Variants in ZDHHC15 observed in about 807,000 individuals in gnomAD.
ZDHHC15 encodes the protein zDHHC palmitoyltransferase 15.
In ZDHHC15, 19 loss-of-function variants were observed where a neutral mutation model predicts 31.7. The observed-to-expected ratio is 0.60, with a 90% confidence interval of 0.42 to 0.88. ZDHHC15 has a LOEUF of 0.88. Among genes scored for constraint, ZDHHC15 ranks in the 40% least tolerant of loss-of-function variants. The pLI is 0.00. For synonymous variants in ZDHHC15, 103 were observed against 90.0 expected (o/e 1.14, Z -0.82); for missense variants, 209 against 251.2 (o/e 0.83, Z 1.14).
At chrX:75,502,568 A>C (rs1224695998) in intron 2 of ZDHHC15, among the ~76,000 whole-genome samples, 8 of 112,045 alleles carry the variant, frequency 7.1e-5, no homozygotes, top group Non-Finnish European at 1.5e-4. Flanking sequence ...GTTTAAAATG[A>C]TTAATGGACC....
intron 2 of ZDHHC15, among the ~76,000 whole-genome samples, chrX:75,489,647 A>G (rs2084841373): frequency 8.9e-6 from 1 of 112,138 alleles, no homozygotes; most frequent in Non-Finnish European, 1.9e-5. Flanking sequence ...GGGAAAAAAC[A>G]GAGCAGAAAA....
chrX:75,500,342 T>C (rs1164838778), intron 2 of ZDHHC15, among the ~76,000 whole-genome samples: 19 of 110,352 alleles, frequency 1.7e-4, no homozygotes, highest in African/African-American at 6.2e-4. Context: ...GGAGATCATT[T>C]TAAAATGAAA....
At chrX:75,477,335 T>C (rs1175284481) in intron 3 of ZDHHC15, among the ~76,000 whole-genome samples, 1 of 111,563 alleles carries the variant, frequency 9.0e-6, no homozygotes, top group Admixed American at 9.6e-5. Context: ...CATTTTACTC[T>C]TTTTGGGTGA....
chrX:75,445,556 A>G (rs747850581), intron 4 of ZDHHC15, among the ~76,000 whole-genome samples: 1 of 112,362 alleles, frequency 8.9e-6, no homozygotes, highest in East Asian at 2.8e-4. Context: ...AGTGGTAGAT[A>G]AATGACCTGA....
chrX:75,458,630 G>A lies in ZDHHC15; in HGVS notation c.259-7708C>T, dbSNP rs989578673. Among the ~76,000 whole-genome samples the A allele has an allele frequency of 9.0e-5, 10 of 111,122 alleles. No homozygotes were observed. The Admixed American group carries it at 9.6e-4, about 11-fold the overall frequency. On this transcript the variant is annotated intron_variant, in intron 3 of 11. Transcript: ENST00000373367. ...CATTCTCAGGTAGAGTGAGAATTAA[G>A]TACCCTGCTTGGGGTATGTGGAACT... is the stretch of plus-strand genomic sequence containing the variant.
At position 75,372,887 on chromosome X, in the gene ZDHHC15, T is replaced by C. The variant is rs2083016947; in HGVS notation, c.*91A>G. ...CCAACACGGTGACTTATTTTGAAGA[T>C]TACAATGATTTCCAACATTGAACTC... On this transcript the variant is annotated 3_prime_UTR_variant, in exon 12 of 12. Transcript: ENST00000373367. 1 of 111,839 alleles carries C rather than the reference T, an allele frequency of 8.9e-6. No individual in the cohort carries two copies. The highest frequency in any genetic ancestry group is 1.9e-5 in the Non-Finnish European group (1 of 53,114). The allele number at this position is 111,839 out of a possible 1,213,427, so 9.2% of individuals were successfully genotyped here.
intron 1 of ZDHHC15, among the ~76,000 whole-genome samples, chrX:75,510,651 G>C (rs1288359694): frequency 4.6e-5 from 4 of 87,406 alleles, no homozygotes; most frequent in Non-Finnish European, 8.8e-5. Context: ...ATGTATACAT[G>C]TGCCATGCTG....
At chrX:75,470,257 G>A (rs921735102) in intron 3 of ZDHHC15, among the ~76,000 whole-genome samples, 2 of 111,564 alleles carry the variant, frequency 1.8e-5, no homozygotes, top group Non-Finnish European at 1.9e-5. Context: ...CTGCCAAGCT[G>A]GAGCCTTCCT....
intron 3 of ZDHHC15, among the ~76,000 whole-genome samples, chrX:75,463,073 T>G (rs1037439649): frequency 1.8e-5 from 2 of 111,187 alleles, no homozygotes; most frequent in African/African-American, 6.5e-5. Flanking sequence ...TCAGAAATGA[T>G]CAGGGGATAT....
At chrX:75,442,571 A>G (rs1207955157) in intron 4 of ZDHHC15, among the ~76,000 whole-genome samples, 1 of 112,199 alleles carries the variant, frequency 8.9e-6, no homozygotes, top group East Asian at 2.8e-4. Flanking sequence ...AGAATAAAAT[A>G]CGTAGGAATC....
intron 3 of ZDHHC15, among the ~76,000 whole-genome samples, chrX:75,455,771 A>G: frequency 8.9e-6 from 1 of 112,567 alleles, no homozygotes; most frequent in Non-Finnish European, 1.9e-5. Flanking sequence ...AATGCTCATC[A>G]TCACTGGTCA....
chrX:75,441,094 C>G (rs185261798), intron 4 of ZDHHC15, among the ~76,000 whole-genome samples: 1 of 112,115 alleles, frequency 8.9e-6, no homozygotes, highest in Non-Finnish European at 1.9e-5. Context: ...TTGCTACAAG[C>G]ATCCCCATGG....
chrX:75,476,336 C>G (rs2084604793), intron 3 of ZDHHC15, among the ~76,000 whole-genome samples: 2 of 109,667 alleles, frequency 1.8e-5, no homozygotes, highest in South Asian at 7.7e-4. Flanking sequence ...GCCATCTGGT[C>G]CTTGGGTTTT....
rs1602527100 is a variant in ZDHHC15, at chrX:75,370,723, G to C, written c.*2255C>G. On this transcript the variant is annotated 3_prime_UTR_variant, in exon 12 of 12. Coordinates refer to ENST00000373367, the MANE Select transcript of ZDHHC15 (RefSeq NM_144969.3). ...ATTTTTGTATTTTTAGTAGAGACAG[G>C]GTTTCTCCATGTTGGTCAGGCTGGT... is the stretch of plus-strand genomic sequence containing the variant. 1 of 110,328 alleles carries C rather than the reference G, an allele frequency of 9.1e-6. No individual in the cohort carries two copies. Among genetic ancestry groups the C allele is most frequent in the African/African-American group, 3.3e-5 (1 of 30,213 alleles). The allele number at this position is 110,328 out of a possible 1,213,427, so 9.1% of individuals were successfully genotyped here.
chrX:75,468,284 A>T (rs2084445490), intron 3 of ZDHHC15, among the ~76,000 whole-genome samples: 1 of 111,058 alleles, frequency 9.0e-6, no homozygotes, highest in African/African-American at 3.3e-5. Context: ...ACCTCAGGTG[A>T]TCCGCCTGCC....
chrX:75,372,163 T>TA lies in ZDHHC15; in HGVS notation c.*814dup, dbSNP rs915672013. The TA allele has an allele frequency of 1.8e-5, 2 of 112,072 alleles. No homozygotes were observed. Among genetic ancestry groups the TA allele is most frequent in the African/African-American group, 6.5e-5 (2 of 30,899 alleles). 9.2% of individuals were successfully genotyped at this position (112,072 alleles called of 1,213,427 possible). A position where few individuals can be genotyped will look rare whatever the true frequency, so the allele number is the denominator to read the frequency against. ...TAAAACTAGGAAGCAGATAAATGAATAAAAGTAATTGGAGAATTTTACTGC... is the reference window on the plus strand; with the variant it reads ...TAAAACTAGGAAGCAGATAAATGAATAAAAAGTAATTGGAGAATTTTACTGC... On this transcript the variant is annotated 3_prime_UTR_variant, in exon 12 of 12. Coordinates refer to ENST00000373367, the MANE Select transcript of ZDHHC15 (RefSeq NM_144969.3).
intron 3 of ZDHHC15, among the ~76,000 whole-genome samples, chrX:75,475,152 A>G (rs1056002834): frequency 4.4e-5 from 5 of 112,566 alleles, no homozygotes; most frequent in African/African-American, 6.4e-5. Flanking sequence ...TTTATCTAAC[A>G]TATTACTTAT....
chrX:75,408,425 C>T (rs182006487), intron 10 of ZDHHC15, among the ~76,000 whole-genome samples: 22 of 111,046 alleles, frequency 2.0e-4, no homozygotes, highest in African/African-American at 6.2e-4. Context: ...AAACCCTTAA[C>T]AAACTGGGTA....
Position 75,384,649 on chromosome X carries a change from C to A in ZDHHC15, c.968-5451G>T, listed in dbSNP as rs1050901434. The A allele has an allele frequency of 2.0e-5, 17 of 852,119 alleles. No homozygotes were observed. The African/African-American group carries it at 3.0e-4, about 15-fold the overall frequency. The allele number at this position is 852,119 out of a possible 1,213,427, so 70.2% of individuals were successfully genotyped here. On this transcript the variant is annotated intron_variant, in intron 10 of 11. Coordinates refer to ENST00000373367, the MANE Select transcript of ZDHHC15 (RefSeq NM_144969.3). ...TGAGCACATTAAGCACTCTAAGAGC[C>A]GAGATAGCTTCCTGAAACGCATGAA...
Sources: gnomAD v4.1 joint callset for allele counts (sites outside exome capture counted in the v4.1 genomes callset) on GRCh38, gnomAD v4.1.1 for gene constraint, MANE v1.5 for transcripts, NCBI Gene and HGNC (gene_info 2026-07-23, HGNC 2026-07-21) for gene names.